The following CENPI variants were observed in gnomAD, a reference collection of about 807,000 sequenced individuals.
CENPI encodes the protein FSH primary response 1.
In CENPI, 4 loss-of-function variants were observed where a neutral mutation model predicts 60.4. The observed-to-expected ratio is 0.07, with a 90% CI of 0.03 to 0.15. CENPI has a LOEUF of 0.15. Ranked by LOEUF, CENPI falls within the 10% of genes least tolerant of loss-of-function variation. CENPI has a pLI of 1.00. For synonymous variants in CENPI, 157 were observed against 189.4 expected (o/e 0.83, Z 1.40); for missense variants, 444 against 534.5 (o/e 0.83, Z 1.67).
At chrX:101,128,255 C>T (rs1236761994) in intron 11 of CENPI, among the ~76,000 whole-genome samples, 1 of 111,489 alleles carries the variant, frequency 9.0e-6, no homozygotes, top group Non-Finnish European at 1.9e-5. Flanking sequence ...ATTGCTTGAA[C>T]CTGGGAGGCG....
At chrX:101,123,047 T>A (rs961409523) in intron 8 of CENPI, among the ~76,000 whole-genome samples, 7 of 112,472 alleles carry the variant, frequency 6.2e-5, no homozygotes, top group Non-Finnish European at 9.4e-5. Context: ...CACTAAATTA[T>A]TCCATTGTCA....
intron 8 of CENPI, among the ~76,000 whole-genome samples, chrX:101,125,914 A>G (rs1383284806): frequency 1.8e-5 from 2 of 111,973 alleles, no homozygotes; most frequent in Non-Finnish European, 3.8e-5. Context: ...CTCAAAACAA[A>G]CACTCTGATA....
chrX:101,120,660 G>A (rs1307811396), intron 7 of CENPI, 78 bp from the exon 8 acceptor site: 1 of 892,622 alleles, frequency 1.1e-6, no homozygotes, highest in Non-Finnish European at 1.6e-6. Flanking sequence ...TGTATGAATT[G>A]CATGGTGGTT....
intron 15 of CENPI, among the ~76,000 whole-genome samples, chrX:101,137,275 T>C (rs200535049): frequency 8.9e-6 from 1 of 112,232 alleles, no homozygotes; most frequent in East Asian, 2.8e-4. Flanking sequence ...AGCATCTTCA[T>C]GATATAGATT....
the CENPI span, among the ~76,000 whole-genome samples, chrX:101,172,460 A>C: frequency 9.0e-6 from 1 of 111,298 alleles, no homozygotes; most frequent in Non-Finnish European, 1.9e-5. Flanking sequence ...ACTGTTTGGC[A>C]GGAAAAAAAA....
Position 101,101,291 on chromosome X carries a change from A to G in CENPI, c.221A>G (p.Glu74Gly), listed in dbSNP as rs1307903001. The stretch of plus-strand genomic sequence containing the variant: ...TTGCAAATGGCAGTGGGATATTTTG[A>G]GAAAGGTAAAGGTGGATTGTTTTCC... ...DALQMAVGYF[E>G]KGPIKASQNK... The change falls in exon 3 of 22, where the codon GAG (glutamate) becomes GGG (glycine). Residue 74 changes from glutamate (E) to glycine (G), a missense_variant. Glu to Gly is a moderately conservative substitution (Grantham distance 98, BLOSUM62 -2). Coordinates refer to ENST00000682095, the MANE Select transcript of CENPI (RefSeq NM_001386188.2). 3 of 1,154,132 alleles carry G rather than the reference A, an allele frequency of 2.6e-6. No individual in the cohort carries two copies. The highest frequency in any genetic ancestry group is 3.6e-6 in the Non-Finnish European group (3 of 844,408).
chrX:101,104,171 G>A (rs2360000), intron 4 of CENPI, among the ~76,000 whole-genome samples: 27,407 of 110,805 alleles, frequency 0.25, 2,496 homozygotes, highest in Middle Eastern at 0.3. Flanking sequence ...ACGGGGTTTC[G>A]CCATGTTGGC....
Position 101,126,671 on chromosome X carries a change from G to A in CENPI, c.688-38G>A, listed in dbSNP as rs377607996. The A allele has an allele frequency of 1.5e-3, 1,608 of 1,050,122 alleles. 3 individuals are homozygous for A. Among genetic ancestry groups the A allele is most frequent in the Non-Finnish European group, 2.0e-3 (1,486 of 754,149 alleles). 86.5% of individuals were successfully genotyped at this position (1,050,122 alleles called of 1,213,427 possible). A position where few individuals can be genotyped will look rare whatever the true frequency, so the allele number is the denominator to read the frequency against. ...TATTTGTTTCCTCAGTTTCTTAATA[G>A]CCACAGAATTGAAAATGGAAAACTT... On this transcript the variant is annotated intron_variant, in intron 8 of 21. Coordinates refer to ENST00000682095, the MANE Select transcript of CENPI (RefSeq NM_001386188.2).
Position 101,148,149 on chromosome X carries a change from CT to C in CENPI, c.2087del (p.Leu696CysfsTer11). ...CTTCTTTCTTGAGTTACGCTGTTTC[CT>C]TTTTGCTACAGGTAAGGGTATTTAA... The part of the protein sequence containing the change: ...HPSFLSYAVS[F>X]LLQESPEERT... On this transcript the variant is annotated frameshift_variant, in exon 20 of 22. Coordinates refer to ENST00000682095, the MANE Select transcript of CENPI (RefSeq NM_001386188.2). LOFTEE classifies it high-confidence loss of function. The C allele has an allele frequency of 8.4e-7, 1 of 1,193,184 alleles. No individual in the cohort carries two copies. The highest frequency in any genetic ancestry group is 1.1e-6 in the Non-Finnish European group (1 of 885,867).
At chrX:101,102,926 G>T (rs2089438829) in intron 4 of CENPI, among the ~76,000 whole-genome samples, 1 of 104,267 alleles carries the variant, frequency 9.6e-6, no homozygotes, top group Admixed American at 1.1e-4. Flanking sequence ...TCCTGACCTC[G>T]TGATCCGCCT....
intron 20 of CENPI, among the ~76,000 whole-genome samples, chrX:101,159,813 T>C (rs2085642096): frequency 8.9e-6 from 1 of 111,903 alleles, no homozygotes; most frequent in South Asian, 3.7e-4. Context: ...GTTCCATTTA[T>C]TATTAAGAGG....
At chrX:101,161,399 T>C in intron 20 of CENPI, 129 bp from the exon 21 acceptor site, 1 of 536,647 alleles carries the variant, frequency 1.9e-6, no homozygotes, top group South Asian at 3.0e-5. Context: ...AATAGAACTT[T>C]GCAAATGAGC....
chrX:101,145,725 A>G (rs951590141), intron 17 of CENPI, among the ~76,000 whole-genome samples: 1 of 109,082 alleles, frequency 9.2e-6, no homozygotes, highest in Non-Finnish European at 1.9e-5. Flanking sequence ...TGAAGTATCC[A>G]TTATAGTCTC....
rs187001787 is a variant in CENPI at position 101,132,324 on chromosome X, T to A, written c.1405+17T>A. The A allele has an allele frequency of 1.1e-3, 1,350 of 1,179,018 alleles. 10 individuals are homozygous for A. The African/African-American group carries it at 0.021, about 18-fold the overall frequency. On this transcript the variant is annotated intron_variant, in intron 14 of 21. Transcript: ENST00000682095. ...GCTTCTCTGGTATGTATCATGAAAA[T>A]TTGGAGTCATTTGATTCAACGTACT...
At chrX:101,160,570 A>G (rs947339441) in intron 20 of CENPI, among the ~76,000 whole-genome samples, 4 of 107,066 alleles carry the variant, frequency 3.7e-5, no homozygotes, top group Non-Finnish European at 5.8e-5. Context: ...TTTTTGTTTT[A>G]GTAGAGACGG....
At chrX:101,147,627 C>A (rs1386890883) in intron 18 of CENPI, 136 bp from the exon 19 acceptor site, 1 of 493,892 alleles carries the variant, frequency 2.0e-6, no homozygotes, top group Non-Finnish European at 3.3e-6. Context: ...CTTAACTAGA[C>A]AACTGGATAT....
At chrX:101,137,109 C>T (rs926772529) in intron 15 of CENPI, among the ~76,000 whole-genome samples, 2 of 110,539 alleles carry the variant, frequency 1.8e-5, no homozygotes, top group Middle Eastern at 4.8e-3. Flanking sequence ...GACAAGGTCT[C>T]ACTATGTTGC....
At position 101,113,562 on chromosome X, in the gene CENPI, G is replaced by C. The variant is rs193075957; in HGVS notation, c.591+3564G>C. 2.8e-3 allele frequency among the ~76,000 whole-genome samples: 287 copies of C among 103,395 alleles called. 2 individuals are homozygous for C. Among genetic ancestry groups the C allele is most frequent in the African/African-American group, 9.0e-3 (272 of 30,058 alleles). 89.8% of individuals were successfully genotyped at this position (103,395 alleles called of 115,157 possible). ...CAAACTCAGGTGATCCGCCTGCCTC[G>C]GCCTCCCAAAGTGCTGGGATTAGAG... is the stretch of plus-strand genomic sequence containing the variant. On this transcript the variant is annotated intron_variant, in intron 6 of 21. Transcript: ENST00000682095.
chrX:101,098,490 C>T lies in CENPI; in HGVS notation c.-63C>T, dbSNP rs981747685. 8 of 111,233 alleles carry T rather than the reference C, an allele frequency of 7.2e-5. No homozygotes were observed. The highest frequency in any genetic ancestry group is 2.6e-4 in the African/African-American group (8 of 30,566). 9.2% of individuals were successfully genotyped at this position (111,233 alleles called of 1,213,427 possible). A position where few individuals can be genotyped will look rare whatever the true frequency, so the allele number is the denominator to read the frequency against. ...ACCTGTAACGTCCCACTGGTTTGGA[C>T]ATATTCCTCTCCTGATCTGGCCTCA... On this transcript the variant is annotated 5_prime_UTR_variant, in exon 2 of 22. Coordinates refer to ENST00000682095, the MANE Select transcript of CENPI (RefSeq NM_001386188.2).
Sources: allele counts gnomAD v4.1 joint callset (sites outside exome capture counted in the v4.1 genomes callset), GRCh38; gene constraint gnomAD v4.1.1; transcripts MANE v1.5; gene names NCBI Gene and HGNC (gene_info 2026-07-23, HGNC 2026-07-21).